The following MCTP1 variants were observed in gnomAD, a reference collection of about 807,000 sequenced individuals.
The protein encoded by MCTP1 is multiple C2 and transmembrane domain containing 1, also known as multiple C2 and transmembrane domain-containing protein 1.
MCTP1 carries 69 observed loss-of-function variants against 120.6 expected under a neutral mutation model. That is an observed-to-expected ratio of 0.57 (90% CI 0.47 to 0.70). The LOEUF is 0.70. Among genes scored for constraint, MCTP1 ranks in the 30% least tolerant of loss-of-function variants. MCTP1 has a pLI of 0.00. For missense variants in MCTP1, 1,203 were observed against 1,248.8 expected (o/e 0.96, Z 0.55); for synonymous variants, 529 against 493.1 (o/e 1.07, Z -0.96).
At chr5:94,818,035 C>G (rs1784855923) in intron 17 of MCTP1, among the ~76,000 whole-genome samples, 1 of 152,170 alleles carries the variant, frequency 6.6e-6, no homozygotes, top group Non-Finnish European at 1.5e-5. Flanking sequence ...AACAGTGAGA[C>G]TCAACTGTGG....
intron 1 of MCTP1, among the ~76,000 whole-genome samples, chr5:95,060,909 G>C (rs1226106317): frequency 6.8e-6 from 1 of 146,214 alleles, no homozygotes; most frequent in Non-Finnish European, 1.5e-5. Flanking sequence ...GGAAGGCAGA[G>C]GTTGTAGTGG....
chr5:94,720,351 A>G (rs1760606008), intron 19 of MCTP1, among the ~76,000 whole-genome samples: 1 of 151,790 alleles, frequency 6.6e-6, no homozygotes, highest in Non-Finnish European at 1.5e-5. Context: ...GCTAAGTGGG[A>G]AAAAAAATCA....
intron 19 of MCTP1, among the ~76,000 whole-genome samples, chr5:94,745,767 C>T (rs545168104): frequency 2.0e-5 from 3 of 152,330 alleles, no homozygotes; most frequent in East Asian, 1.9e-4. Context: ...AAGTGCTCGG[C>T]TGCAAGCAAC....
intron 1 of MCTP1, among the ~76,000 whole-genome samples, chr5:95,093,139 G>C (rs1755975434): frequency 6.6e-6 from 1 of 152,174 alleles, no homozygotes; most frequent in African/African-American, 2.4e-5. Flanking sequence ...CATTCTATGG[G>C]CAGTAAAAAG....
At chr5:95,234,547 G>C (rs568364289) in intron 1 of MCTP1, among the ~76,000 whole-genome samples, 2 of 152,230 alleles carry the variant, frequency 1.3e-5, no homozygotes, top group East Asian at 3.9e-4. Context: ...GAGGAAACGA[G>C]AACCAACGCA....
intron 3 of MCTP1, among the ~76,000 whole-genome samples, chr5:94,951,257 C>T (rs953205140): frequency 6.6e-6 from 1 of 152,070 alleles, no homozygotes; most frequent in African/African-American, 2.4e-5. Context: ...TCTTTTTGAG[C>T]CTAGTAAGAC....
chr5:95,076,623 G>C (rs1226988135), intron 1 of MCTP1, among the ~76,000 whole-genome samples: 2 of 152,044 alleles, frequency 1.3e-5, no homozygotes, highest in Non-Finnish European at 2.9e-5. Context: ...TGCTGACTTA[G>C]AACACGCTAT....
At chr5:95,006,813 A>C (rs1308144875) in intron 2 of MCTP1, among the ~76,000 whole-genome samples, 1 of 152,198 alleles carries the variant, frequency 6.6e-6, no homozygotes, top group Admixed American at 6.5e-5. Context: ...AATGAAATTT[A>C]TTCTAGGAAG....
chr5:94,857,814 G>T (rs778374844), intron 17 of MCTP1, among the ~76,000 whole-genome samples: 2 of 151,490 alleles, frequency 1.3e-5, no homozygotes, highest in Non-Finnish European at 3.0e-5. Context: ...ATAACAAAGT[G>T]GGCAACACCT....
chr5:95,069,833 G>T (rs1582139342), intron 1 of MCTP1, among the ~76,000 whole-genome samples: 1 of 151,710 alleles, frequency 6.6e-6, no homozygotes, highest in Admixed American at 6.6e-5. Context: ...TGAGTAGCTG[G>T]GACTACAGGC....
intron 11 of MCTP1, among the ~76,000 whole-genome samples, chr5:94,891,416 T>C (rs1052121439): frequency 8.5e-5 from 13 of 152,210 alleles, no homozygotes; most frequent in Admixed American, 6.5e-4. Flanking sequence ...TACACAATGT[T>C]GTAAATCAGG....
At chr5:95,208,070 C>CA (rs1436218146) in intron 1 of MCTP1, among the ~76,000 whole-genome samples, 4 of 151,492 alleles carry the variant, frequency 2.6e-5, no homozygotes, top group Non-Finnish European at 5.9e-5. Context: ...CAAGCAATAA[C>CA]AAGAAACAGA....
At chr5:94,829,013 AC>A (rs202246297) in intron 17 of MCTP1, among the ~76,000 whole-genome samples, 44 of 85,070 alleles carry the variant, frequency 5.2e-4, no homozygotes, top group Admixed American at 9.0e-4. Flanking sequence ...AACAACAACA[AC>A]AAAAAAAAAA....
In MCTP1 at chr5:94,808,525, CA is replaced by C. The variant is rs1169237049; in HGVS notation, c.2437-9394del. On this transcript the variant is annotated intron_variant, in intron 17 of 22. Transcript: ENST00000515393. The stretch of plus-strand genomic sequence containing the variant: ...AATATGCTCAAAAGAGCCTCATGTA[CA>C]GTGGCATCTCTCCCTTCTCTTAATT... Among the ~76,000 whole-genome samples, 12 of 152,234 alleles carry C rather than the reference CA, an allele frequency of 7.9e-5. No individual in the cohort carries two copies. In the East Asian group the frequency reaches 2.3e-3, roughly 29 times the overall value.
chr5:94,889,358 G>A (rs895898650), intron 11 of MCTP1, among the ~76,000 whole-genome samples: 1 of 152,110 alleles, frequency 6.6e-6, no homozygotes, highest in Non-Finnish European at 1.5e-5. Context: ...GGAAGCTGAG[G>A]TGGGTGGATC....
chr5:95,275,478 T>C (rs932127269), intron 1 of MCTP1, among the ~76,000 whole-genome samples: 3 of 152,310 alleles, frequency 2.0e-5, no homozygotes, highest in African/African-American at 7.2e-5. Context: ...CCTGTGGGCA[T>C]TGGAGTTTGG....
chr5:94,986,021 G>T (rs1025911037), intron 2 of MCTP1, among the ~76,000 whole-genome samples: 6 of 152,230 alleles, frequency 3.9e-5, no homozygotes, highest in African/African-American at 1.2e-4. Context: ...TTGACATATG[G>T]ACATAGATGT....
chr5:94,740,753 G>A (rs573116238), intron 19 of MCTP1, among the ~76,000 whole-genome samples: 79 of 152,242 alleles, frequency 5.2e-4, no homozygotes, highest in African/African-American at 1.8e-3. Context: ...CCAGGCTTTC[G>A]AAGAGATACT....
At chr5:94,979,787 G>A (rs561419905) in intron 2 of MCTP1, among the ~76,000 whole-genome samples, 8 of 151,926 alleles carry the variant, frequency 5.3e-5, no homozygotes, top group Admixed American at 5.3e-4. Flanking sequence ...CCTCCAACAC[G>A]GACACATATT....
Sources: gnomAD v4.1 joint callset for allele counts (sites outside exome capture counted in the v4.1 genomes callset) on GRCh38, gnomAD v4.1.1 for gene constraint, MANE v1.5 for transcripts, NCBI Gene and HGNC (gene_info 2026-07-23, HGNC 2026-07-21) for gene names.